The following CNOT3 variants were observed in gnomAD, a reference collection of about 807,000 sequenced individuals.
The protein encoded by CNOT3 is CCR4-associated factor 3.
Under a neutral mutation model 89.4 loss-of-function variants are expected in CNOT3, and 2 were observed. That is an observed-to-expected ratio of 0.02 (90% CI 0.01 to 0.07). The LOEUF (loss-of-function observed/expected upper bound fraction) is 0.07. Ranked by LOEUF, CNOT3 falls within the 10% of genes least tolerant of loss-of-function variation. CNOT3 has a pLI of 1.00. For missense variants in CNOT3, 664 were observed against 1,010.2 expected, an observed-to-expected ratio of 0.66 and a Z score of 4.65; for synonymous variants, 486 against 402.0, an observed-to-expected ratio of 1.21 and a Z score of -2.50.
At chr19:54,154,204 C>T (rs1160048286) in intron 17 of CNOT3, 3 of 432,084 alleles carry the variant, frequency 6.9e-6, no homozygotes, top group Admixed American at 6.0e-5. Flanking sequence ...TGCCGAGGGA[C>T]CTTGATGGCC....
At chr19:54,154,384 C>T (rs2075307009) in intron 17 of CNOT3, 1 of 237,920 alleles carries the variant, frequency 4.2e-6, no homozygotes, top group South Asian at 5.4e-5. Context: ...CGACTCTAGG[C>T]AAGTCACTCG....
rs1600432838 is a variant in CNOT3 at position 54,145,880 on chromosome 19, G to A, written c.704-30G>A. 6.2e-7 allele frequency: 1 copy of A among 1,612,196 alleles called. No homozygotes were observed. Among genetic ancestry groups the A allele is most frequent in the African/African-American group, 1.3e-5 (1 of 75,038 alleles). ...GGCCCAGAATGGGCTGTGTGAGCCA[G>A]CTAAGCATGCCCTTCTTCTGCCCCC... is the stretch of plus-strand genomic sequence containing the variant. On this transcript the variant is annotated intron_variant, in intron 8 of 17. Coordinates refer to ENST00000221232, the MANE Select transcript of CNOT3 (RefSeq NM_014516.4). The surrounding 1 kb of genome is among the most constrained non-coding windows in gnomAD (Gnocchi z 5.9).
At chr19:54,153,092 C>T in intron 16 of CNOT3, 93 bp downstream of exon 16, 1 of 1,282,742 alleles carries the variant, frequency 7.8e-7, no homozygotes, top group Non-Finnish European at 1.1e-6. Context: ...GGTGGGTGCC[C>T]CACTGCGGCC....
chr19:54,138,787 A>T (rs974425284), intron 1 of CNOT3, among the ~76,000 whole-genome samples: 4 of 152,180 alleles, frequency 2.6e-5, no homozygotes, highest in African/African-American at 9.7e-5. Flanking sequence ...CAGCCTCGCC[A>T]TCCCGCTGCA....
chr19:54,152,818 C>T (rs117998318), intron 15 of CNOT3, 49 bp from the exon 16 acceptor site: 15,437 of 940,966 alleles, frequency 0.016, 174 homozygotes, highest in Middle Eastern at 0.025. Flanking sequence ...CTTTTGATCA[C>T]GACAGGACTA....
Position 54,148,835 on chromosome 19 carries a change from C to T in CNOT3, c.1406+92C>T, listed in dbSNP as rs1423367296. The T allele has an allele frequency of 2.3e-5, 27 of 1,166,156 alleles. No individual in the cohort carries two copies. The highest frequency in any genetic ancestry group is 7.8e-5 in the Admixed American group (3 of 38,476). 72.2% of individuals were successfully genotyped at this position (1,166,156 alleles called of 1,614,324 possible). A position where few individuals can be genotyped will look rare whatever the true frequency, so the allele number is the denominator to read the frequency against. ...CACCCCCGCATCGGTGGGTTCTGAA[C>T]CCCCCGCCCTTGCTGCTGGGAATGG... is the stretch of plus-strand genomic sequence containing the variant. On this transcript the variant is annotated intron_variant, in intron 12 of 17. Coordinates refer to ENST00000221232, the MANE Select transcript of CNOT3 (RefSeq NM_014516.4). The surrounding 1 kb of genome is among the most constrained non-coding windows in gnomAD (Gnocchi z 6.3).
At chr19:54,154,891 ACT>A (rs1366611428) in intron 17 of CNOT3, 24 of 169,050 alleles carry the variant, frequency 1.4e-4, no homozygotes, top group African/African-American at 5.2e-4. Flanking sequence ...TTGGATTTAG[ACT>A]CTGAGACTGT....
At position 54,149,651 on chromosome 19, in the gene CNOT3, C is replaced by T; in HGVS notation, c.1498C>T (p.Leu500=). Reference sequence around the variant, plus strand: ...AGGGGGACCCAGCCTCCTGGTGCCACTGCCTGTGAATCCTCCCAGCTCCCC... The same window carrying T: ...AGGGGGACCCAGCCTCCTGGTGCCATTGCCTGTGAATCCTCCCAGCTCCCC... ...NSGGPSLLVP[L]PVNPPSSPTP... is the part of the protein sequence containing the mutation. The change falls in exon 13 of 18, where the codon CTG becomes TTG. Residue 500 remains leucine (L), a synonymous_variant. Coordinates refer to ENST00000221232, the MANE Select transcript of CNOT3 (RefSeq NM_014516.4). 1 of 1,614,054 alleles carries T rather than the reference C, an allele frequency of 6.2e-7. No homozygotes were observed. The highest frequency in any genetic ancestry group is 8.5e-7 in the Non-Finnish European group (1 of 1,179,942).
At chr19:54,140,159 C>T (rs1199277802) in intron 1 of CNOT3, among the ~76,000 whole-genome samples, 1 of 152,146 alleles carries the variant, frequency 6.6e-6, no homozygotes, top group Non-Finnish European at 1.5e-5. Context: ...ATCATCTTCC[C>T]TGAGATGAAG....
In CNOT3 at chr19:54,155,632, A is replaced by T; in HGVS notation, c.*225A>T. On this transcript the variant is annotated 3_prime_UTR_variant, in exon 18 of 18. Coordinates refer to ENST00000221232, the MANE Select transcript of CNOT3 (RefSeq NM_014516.4). The stretch of plus-strand genomic sequence containing the variant: ...TCCCCAGTGAGGGACATTTTTTGGT[A>T]AACCTATTTTCATTTTGGAAAATAT... The T allele has an allele frequency of 1.5e-6, 2 of 1,324,692 alleles. No homozygotes were observed. Among genetic ancestry groups the T allele is most frequent in the East Asian group, 2.5e-5 (1 of 39,780 alleles). 82.1% of individuals were successfully genotyped at this position (1,324,692 alleles called of 1,614,324 possible).
Position 54,145,443 on chromosome 19 carries a change from G to T in CNOT3, c.484-155G>T. The T allele has an allele frequency of 1.6e-6, 1 of 619,330 alleles. No homozygotes were observed. 38.4% of individuals were successfully genotyped at this position (619,330 alleles called of 1,614,324 possible). A position where few individuals can be genotyped will look rare whatever the true frequency, so the allele number is the denominator to read the frequency against. ...AGATTGGTCCCCACAGGGCTCAGAG[G>T]GTGGGTGGACCCCATACTGCCCCAC... On this transcript the variant is annotated intron_variant, in intron 7 of 17. Coordinates refer to ENST00000221232, the MANE Select transcript of CNOT3 (RefSeq NM_014516.4). The surrounding 1 kb of genome is among the most constrained non-coding windows in gnomAD (Gnocchi z 5.9).
At chr19:54,154,126 C>T (rs981497943) in intron 17 of CNOT3, 38 of 654,454 alleles carry the variant, frequency 5.8e-5, no homozygotes, top group African/African-American at 5.7e-4. Context: ...CTTTGCAGTG[C>T]TGGGCACACT....
rs2075160534 is a variant in CNOT3 at position 54,152,256 on chromosome 19, A to G, written c.1636A>G (p.Met546Val). 6.2e-7 allele frequency: 1 copy of G among 1,614,154 alleles called. No individual in the cohort carries two copies. ...APEPLSSLKS[M>V]AERAAISSGI... ...TGAGCCTCTGAGCTCCTTGAAGTCC[A>G]TGGCGGAACGGGCAGCCATCAGCTC... The change falls in exon 14 of 18, where the codon ATG becomes GTG. Residue 546 changes from methionine (M) to valine (V), a missense_variant. Coordinates refer to ENST00000221232, the MANE Select transcript of CNOT3 (RefSeq NM_014516.4).
Position 54,153,010 on chromosome 19 carries a change from GC to G in CNOT3, c.2037+16del. ...TTCTACTATCTGGAGGTACAGCAGGGCCCCCGGGGCAGCCTCGGGCCCCCCG... is the reference window on the plus strand; with the variant it reads ...TTCTACTATCTGGAGGTACAGCAGGGCCCCGGGGCAGCCTCGGGCCCCCCG... On this transcript the variant is annotated intron_variant, in intron 16 of 17. Coordinates refer to ENST00000221232, the MANE Select transcript of CNOT3 (RefSeq NM_014516.4). 1.9e-6 allele frequency: 3 copies of G among 1,597,992 alleles called. No homozygotes were observed. The highest frequency in any genetic ancestry group is 2.6e-6 in the Non-Finnish European group (3 of 1,168,504).
chr19:54,149,474 T>A (rs1474666374), intron 12 of CNOT3, 86 bp from the exon 13 acceptor site: 3 of 776,290 alleles, frequency 3.9e-6, no homozygotes, highest in Non-Finnish European at 6.1e-6. Context: ...ATCTGTGCAG[T>A]CTCCCCTCTC....
chr19:54,153,331 T>C (rs1392490889), intron 16 of CNOT3: 4 of 760,588 alleles, frequency 5.3e-6, no homozygotes, highest in African/African-American at 3.4e-5. Flanking sequence ...ACTCTGCTCA[T>C]TGGCACATTC....
In CNOT3 at chr19:54,153,715, G is replaced by A; in HGVS notation, c.2038G>A (p.Gly680Ser). 6.2e-7 allele frequency: 1 copy of A among 1,613,818 alleles called. No individual in the cohort carries two copies. Among genetic ancestry groups the A allele is most frequent in the Non-Finnish European group, 8.5e-7 (1 of 1,179,764 alleles). Residue 680 changes from glycine to serine, a missense_variant and splice_region_variant, in exon 17 of 18, where the codon GGC becomes AGC. Physicochemically the swap from Gly to Ser is moderately conservative, Grantham distance 56. This residue lies in a region of CNOT3 where 15 missense variants were observed against 32.7 expected (regional missense o/e 0.46). Transcript: ENST00000221232. ...TLFFIFYYLE[G>S]TKAQYLAAKA... ...CCCCTCTCCACTGTTCCTCCCCCAG[G>A]GCACTAAGGCACAGTATCTGGCAGC...
chr19:54,148,507 AG>A lies in CNOT3; in HGVS notation c.1258del (p.Ala420LeufsTer23). 1 of 1,555,920 alleles carries A rather than the reference AG, an allele frequency of 6.4e-7. No homozygotes were observed. The highest frequency in any genetic ancestry group is 8.7e-7 in the Non-Finnish European group (1 of 1,146,878). ...SSSSNSSAGG[G>X]AGKQNGATSY... ...GCAGTAGTAACAGCAGTGCCGGTGG[AG>A]GGGCTGGCAAGCAGAATGGCGCCAC... On this transcript the variant is annotated frameshift_variant, in exon 11 of 18. Coordinates refer to ENST00000221232, the MANE Select transcript of CNOT3 (RefSeq NM_014516.4). LOFTEE classifies it high-confidence loss of function. This position sits in a 1 kb window ranked among gnomAD's most constrained non-coding sequence, Gnocchi z 6.3.
At chr19:54,146,091 A>C (rs1316894902) in intron 9 of CNOT3, 48 bp downstream of exon 9, 1 of 1,598,166 alleles carries the variant, frequency 6.3e-7, no homozygotes, top group African/African-American at 1.3e-5. Flanking sequence ...GCAGGGCAGG[A>C]CTCGAGGAGA....
Sources: gnomAD v4.1 joint callset for allele counts (sites outside exome capture counted in the v4.1 genomes callset) on GRCh38, gnomAD v4.1.1 for gene constraint, gnomAD v4.1.1 regional missense constraint, Gnocchi (gnomAD v3.1) non-coding constraint, MANE v1.5 for transcripts, NCBI Gene and HGNC (gene_info 2026-07-23, HGNC 2026-07-21) for gene names.